The following DOK6 variants were observed in gnomAD, a reference collection of about 807,000 sequenced individuals.
The protein encoded by DOK6 is downstream of tyrosine kinase 6.
A neutral mutation model predicts 44.0 loss-of-function variants in DOK6; 22 were observed. The ratio of observed to expected loss-of-function variants is 0.50; its 90% CI spans 0.36 to 0.71. The LOEUF (loss-of-function observed/expected upper bound fraction) is 0.71, where lower values mean the gene tolerates loss of function less well. Ranked by LOEUF, DOK6 falls within the 30% of genes least tolerant of loss-of-function variation. The pLI, the probability that DOK6 is intolerant of heterozygous loss-of-function variation, is 0.00. For missense variants in DOK6, 340 were observed against 416.4 expected (o/e 0.82, Z 1.60); for synonymous variants, 166 against 145.5 (o/e 1.14, Z -1.01).
At chr18:69,548,732 G>A (rs1206238487) in intron 1 of DOK6, among the ~76,000 whole-genome samples, 2 of 151,468 alleles carry the variant, frequency 1.3e-5, no homozygotes, top group Admixed American at 1.3e-4. Context: ...TTTAAAATTT[G>A]ATTTTATTTA....
intron 1 of DOK6, among the ~76,000 whole-genome samples, chr18:69,497,998 GA>G (rs111915498): frequency 6.7e-6 from 1 of 149,916 alleles, no homozygotes; most frequent in African/African-American, 2.5e-5. Flanking sequence ...TCCAAAAAAA[GA>G]AAAAAAAAGT....
intron 1 of DOK6, among the ~76,000 whole-genome samples, chr18:69,507,166 T>C (rs998394529): frequency 4.6e-5 from 7 of 152,026 alleles, no homozygotes; most frequent in African/African-American, 1.4e-4. Context: ...TAGCTGAGAC[T>C]ACAGGCGCGT....
intron 1 of DOK6, among the ~76,000 whole-genome samples, chr18:69,478,410 T>C (rs1041245637): frequency 1.1e-4 from 16 of 152,108 alleles, no homozygotes; most frequent in African/African-American, 2.2e-4. Flanking sequence ...CCCTTCCTTC[T>C]CCTCCTTTTT....
chr18:69,417,223 C>T (rs919806401), intron 1 of DOK6, among the ~76,000 whole-genome samples: 19 of 152,092 alleles, frequency 1.2e-4, no homozygotes, highest in Admixed American at 3.9e-4. Flanking sequence ...CCTCCCCTCC[C>T]TACTACTTTT....
intron 7 of DOK6, among the ~76,000 whole-genome samples, chr18:69,780,131 T>A (rs1980216902): frequency 6.6e-6 from 1 of 152,150 alleles, no homozygotes; most frequent in Admixed American, 6.6e-5. Context: ...AATAAAAGCA[T>A]TAGATACTCA....
At chr18:69,629,911 C>T (rs1026153920) in intron 3 of DOK6, among the ~76,000 whole-genome samples, 3 of 152,156 alleles carry the variant, frequency 2.0e-5, no homozygotes, top group African/African-American at 7.2e-5. Flanking sequence ...CTGCCTCAGC[C>T]TCCCATGTAT....
chr18:69,533,864 T>C (rs1354817712), intron 1 of DOK6, among the ~76,000 whole-genome samples: 2 of 152,170 alleles, frequency 1.3e-5, no homozygotes, highest in African/African-American at 4.8e-5. Context: ...CTCGTTTAAT[T>C]TCATATTTCT....
At chr18:69,564,802 T>G (rs1017153446) in intron 2 of DOK6, among the ~76,000 whole-genome samples, 1 of 152,234 alleles carries the variant, frequency 6.6e-6, no homozygotes, top group Non-Finnish European at 1.5e-5. Context: ...AAGACTCATT[T>G]TTATTGCTAC....
chr18:69,479,561 T>C (rs947011960), intron 1 of DOK6, among the ~76,000 whole-genome samples: 2 of 152,146 alleles, frequency 1.3e-5, no homozygotes, highest in African/African-American at 4.8e-5. Context: ...CATAATACAC[T>C]TTTATAGGAT....
intron 1 of DOK6, among the ~76,000 whole-genome samples, chr18:69,546,528 G>A (rs573734691): frequency 1.3e-5 from 2 of 151,580 alleles, no homozygotes; most frequent in South Asian, 4.2e-4. Context: ...CTTACAGTTT[G>A]TGGGGTACTA....
At chr18:69,683,460 C>A (rs1353008417) in intron 4 of DOK6, among the ~76,000 whole-genome samples, 1 of 152,152 alleles carries the variant, frequency 6.6e-6, no homozygotes, top group Non-Finnish European at 1.5e-5. Context: ...GGCCATAATC[C>A]AATGACATCT....
In DOK6 at chr18:69,548,102, T is replaced by C. The variant is rs956474261; in HGVS notation, c.67-16385T>C. On this transcript the variant is annotated intron_variant, in intron 1 of 7. Transcript: ENST00000382713. ...CCGAGTAGCTGGGACTACAGGTGCC[T>C]GCTACCACACCCGGCTAATTTTTTG... is the stretch of plus-strand genomic sequence containing the variant. Among the ~76,000 whole-genome samples, 83 of 150,724 alleles carry C rather than the reference T, an allele frequency of 5.5e-4. 4 individuals are homozygous for C. The highest frequency in any genetic ancestry group is 9.9e-4 in the Admixed American group (15 of 15,102).
intron 3 of DOK6, among the ~76,000 whole-genome samples, chr18:69,649,949 C>A (rs1051424210): frequency 6.6e-6 from 1 of 151,940 alleles, no homozygotes; most frequent in Non-Finnish European, 1.5e-5. Flanking sequence ...CCCACTGATC[C>A]TAAAATACAT....
intron 1 of DOK6, among the ~76,000 whole-genome samples, chr18:69,440,415 A>T (rs947786589): frequency 5.3e-5 from 8 of 152,202 alleles, no homozygotes; most frequent in African/African-American, 1.7e-4. Flanking sequence ...ACAGAATTTC[A>T]ATCTGTAAAA....
At chr18:69,401,821 C>G (rs1485407234) in intron 1 of DOK6, among the ~76,000 whole-genome samples, 1 of 152,138 alleles carries the variant, frequency 6.6e-6, no homozygotes, top group African/African-American at 2.4e-5. Context: ...GCGCCTTCGC[C>G]GTGGCCGAGG....
intron 7 of DOK6, among the ~76,000 whole-genome samples, chr18:69,815,052 C>A (rs1981357254): frequency 6.6e-6 from 1 of 152,112 alleles, no homozygotes; most frequent in Admixed American, 6.5e-5. Flanking sequence ...GAGCTGCGTG[C>A]TCTGTTCCCT....
chr18:69,761,806 A>G (rs920205019), intron 7 of DOK6, among the ~76,000 whole-genome samples: 4 of 152,126 alleles, frequency 2.6e-5, no homozygotes, highest in Non-Finnish European at 5.9e-5. Context: ...GGCCACTAGG[A>G]AGGTATCTGA....
In DOK6 at chr18:69,675,080, G is replaced by A. The variant is rs189268196; in HGVS notation, c.290-2654G>A. 2.0e-4 allele frequency among the ~76,000 whole-genome samples: 30 copies of A among 152,228 alleles called. No individual in the cohort carries two copies. The East Asian group carries it at 2.3e-3, about 12-fold the overall frequency. ...CTACTAAAATGCTGAAGCACTGTCTGCAAGAGACATCTTTATCTGCTGGTA... is the reference window on the plus strand; with the variant it reads ...CTACTAAAATGCTGAAGCACTGTCTACAAGAGACATCTTTATCTGCTGGTA... On this transcript the variant is annotated intron_variant, in intron 3 of 7. Transcript: ENST00000382713.
At chr18:69,838,012 T>C (rs373382588) in intron 7 of DOK6, among the ~76,000 whole-genome samples, 1 of 152,196 alleles carries the variant, frequency 6.6e-6, no homozygotes, top group Non-Finnish European at 1.5e-5. Flanking sequence ...GCCTTTCCTG[T>C]GGAGCCTGGA....
Sources: allele counts gnomAD v4.1 joint callset (sites outside exome capture counted in the v4.1 genomes callset), GRCh38; gene constraint gnomAD v4.1.1; transcripts MANE v1.5; gene names NCBI Gene and HGNC (gene_info 2026-07-23, HGNC 2026-07-21).